Variants in ZRANB3 observed in about 807,000 individuals in gnomAD.
ZRANB3 encodes DNA annealing helicase and endonuclease ZRANB3.
ZRANB3 carries 125 observed loss-of-function variants against 133.8 expected under a neutral mutation model. That is an observed-to-expected ratio of 0.93 (90% CI 0.81 to 1.08). ZRANB3 has a LOEUF of 1.08. ZRANB3 is among the 50% of genes least tolerant of loss of function. The probability of loss-of-function intolerance (pLI) is 0.00; values close to 1 mark genes in which losing one functional copy is unlikely to be tolerated. For synonymous variants in ZRANB3, 387 were observed against 432.7 expected, an observed-to-expected ratio of 0.89 and a Z score of 1.31; for missense variants, 1,229 against 1,275.5, an observed-to-expected ratio of 0.96 and a Z score of 0.56.
intron 6 of ZRANB3, among the ~76,000 whole-genome samples, chr2:135,340,255 G>A (rs150456975): frequency 0.017 from 2,540 of 151,596 alleles, 75 homozygotes; most frequent in African/African-American, 0.058. Flanking sequence ...ACAGGTGCCC[G>A]CCACCACGCC....
intron 2 of ZRANB3, among the ~76,000 whole-genome samples, chr2:135,393,684 C>T (rs770843931): frequency 6.6e-6 from 1 of 152,038 alleles, no homozygotes; most frequent in Non-Finnish European, 1.5e-5. Context: ...CTATTATACC[C>T]TTGTAAAATT....
chr2:135,360,622 G>A (rs566793220), intron 3 of ZRANB3, among the ~76,000 whole-genome samples: 22 of 151,680 alleles, frequency 1.5e-4, no homozygotes, highest in Non-Finnish European at 2.7e-4. Context: ...GGAGAATGGC[G>A]TGAACCCGGG....
At chr2:135,319,163 T>G (rs532603848) in intron 6 of ZRANB3, among the ~76,000 whole-genome samples, 1 of 152,290 alleles carries the variant, frequency 6.6e-6, no homozygotes, top group African/African-American at 2.4e-5. Flanking sequence ...ACACTTTTGT[T>G]ACTTAAACAG....
In ZRANB3 at chr2:135,208,894, C is replaced by A. The variant is rs1693987415; in HGVS notation, c.2580G>T (p.Glu860Asp). Residue 860 changes from glutamate to aspartate, a missense_variant, in exon 18 of 21, where the codon GAG becomes GAT. Transcript: ENST00000264159. Reference protein sequence around the residue: ...VGGHVRLITKESRPRDPFTKK... With the variant: ...VGGHVRLITKDSRPRDPFTKK... Reference sequence around the variant, plus strand: ...TTGTGAAAGGATCCCGTGGCCTGGACTCCTTTGTGATCAGACGGACATGGC... The same window carrying A: ...TTGTGAAAGGATCCCGTGGCCTGGAATCCTTTGTGATCAGACGGACATGGC... 3 of 1,613,938 alleles carry A rather than the reference C, an allele frequency of 1.9e-6. No individual in the cohort carries two copies. In the East Asian group the frequency reaches 6.7e-5, roughly 36 times the overall value.
chr2:135,259,597 T>C (rs1207865727), intron 12 of ZRANB3, among the ~76,000 whole-genome samples: 1 of 152,034 alleles, frequency 6.6e-6, no homozygotes, highest in Non-Finnish European at 1.5e-5. Flanking sequence ...TTTGTATTTT[T>C]AGTAGAGATG....
intron 2 of ZRANB3, among the ~76,000 whole-genome samples, chr2:135,438,055 G>T (rs765137643): frequency 6.6e-6 from 1 of 152,060 alleles, no homozygotes. Flanking sequence ...TGGGCCTTCC[G>T]ACTTGGACTA....
chr2:135,283,141 C>T (rs1015493778), intron 8 of ZRANB3, among the ~76,000 whole-genome samples: 15 of 151,780 alleles, frequency 9.9e-5, no homozygotes, highest in Admixed American at 4.6e-4. Flanking sequence ...AAAAATTAGC[C>T]GGGTGTGGTG....
At chr2:135,289,294 C>T (rs532301823) in intron 8 of ZRANB3, among the ~76,000 whole-genome samples, 4 of 152,224 alleles carry the variant, frequency 2.6e-5, no homozygotes, top group Admixed American at 6.5e-5. Flanking sequence ...CTCACTCTGT[C>T]GCCAAGGCTG....
intron 12 of ZRANB3, among the ~76,000 whole-genome samples, chr2:135,239,105 T>C (rs1695437335): frequency 6.6e-6 from 1 of 152,334 alleles, no homozygotes; most frequent in African/African-American, 2.4e-5. Flanking sequence ...ACAGACCCTG[T>C]AGATAATGAT....
chr2:135,323,341 C>A (rs1254709210), intron 6 of ZRANB3, among the ~76,000 whole-genome samples: 1 of 151,968 alleles, frequency 6.6e-6, no homozygotes, highest in South Asian at 2.1e-4. Context: ...ATATTATAGA[C>A]TAGACAAGAT....
chr2:135,361,294 A>C (rs1685684283), intron 3 of ZRANB3, among the ~76,000 whole-genome samples: 1 of 152,226 alleles, frequency 6.6e-6, no homozygotes. Context: ...AAAGTCTTGA[A>C]TAAACAATAG....
At chr2:135,498,372 ATC>A (rs1692777161) in intron 2 of ZRANB3, among the ~76,000 whole-genome samples, 1 of 152,190 alleles carries the variant, frequency 6.6e-6, no homozygotes, top group Non-Finnish European at 1.5e-5. Flanking sequence ...CTTTACTGCA[ATC>A]TCTGAACATA....
Position 135,199,274 on chromosome 2 carries a change from G to C in ZRANB3, c.*1068C>G, listed in dbSNP as rs1196215295. On this transcript the variant is annotated 3_prime_UTR_variant, in exon 21 of 21. Coordinates refer to ENST00000264159, the MANE Select transcript of ZRANB3 (RefSeq NM_032143.4). ...AGAACCAGAAGACAAAGTGTATTTT[G>C]ATAGTACGCTTAGTTTTTTTTTTTG... The C allele has an allele frequency of 1.3e-5, 2 of 150,908 alleles. No individual in the cohort carries two copies. Among genetic ancestry groups the C allele is most frequent in the African/African-American group, 4.9e-5 (2 of 41,062 alleles). 9.3% of individuals were successfully genotyped at this position (150,908 alleles called of 1,614,324 possible).
intron 8 of ZRANB3, among the ~76,000 whole-genome samples, chr2:135,291,632 A>G (rs1188945116): frequency 1.3e-5 from 2 of 151,364 alleles, no homozygotes; most frequent in Non-Finnish European, 2.9e-5. Context: ...TTTAGGGTAC[A>G]TGTGCACAAC....
intron 1 of ZRANB3, among the ~76,000 whole-genome samples, chr2:135,530,070 A>G (rs1694407964): frequency 6.6e-6 from 1 of 151,500 alleles, no homozygotes; most frequent in Admixed American, 6.6e-5. Flanking sequence ...TACTAAAAAT[A>G]CAAAAAATTA....
intron 3 of ZRANB3, among the ~76,000 whole-genome samples, chr2:135,370,811 A>G (rs1386467489): frequency 6.6e-6 from 1 of 152,156 alleles, no homozygotes; most frequent in Non-Finnish European, 1.5e-5. Context: ...AATAATCTGC[A>G]TGTGCCAAGG....
chr2:135,267,189 A>G (rs1680290557), intron 11 of ZRANB3, among the ~76,000 whole-genome samples: 1 of 152,222 alleles, frequency 6.6e-6, no homozygotes, highest in Admixed American at 6.5e-5. Context: ...GTGTAAAGAA[A>G]ATGAACTTAT....
chr2:135,264,377 C>A (rs1680116235), intron 12 of ZRANB3, among the ~76,000 whole-genome samples: 1 of 148,822 alleles, frequency 6.7e-6, no homozygotes, highest in Non-Finnish European at 1.5e-5. Flanking sequence ...GAGACTGAGG[C>A]AGGAGAATCG....
At chr2:135,290,985 C>T (rs945769690) in intron 8 of ZRANB3, among the ~76,000 whole-genome samples, 27 of 152,236 alleles carry the variant, frequency 1.8e-4, no homozygotes, top group Admixed American at 1.6e-3. Context: ...TCACTGCAAC[C>T]TCTGCCTCCC....
Sources: gnomAD v4.1 joint callset for allele counts (sites outside exome capture counted in the v4.1 genomes callset) on GRCh38, gnomAD v4.1.1 for gene constraint, MANE v1.5 for transcripts, NCBI Gene and HGNC (gene_info 2026-07-23, HGNC 2026-07-21) for gene names.